Variants in CDC14B observed in about 807,000 individuals in gnomAD.
The protein encoded by CDC14B is dual specificity protein phosphatase CDC14B.
In CDC14B, 22 loss-of-function variants were observed where a neutral mutation model predicts 64.2. The observed-to-expected ratio is 0.34, with a 90% CI of 0.24 to 0.49. The LOEUF (loss-of-function observed/expected upper bound fraction) is 0.49. Among genes scored for constraint, CDC14B ranks in the 20% least tolerant of loss-of-function variants. The pLI is 0.99. For synonymous variants in CDC14B, 191 were observed against 215.8 expected (o/e 0.89, Z 1.01); for missense variants, 498 against 629.9 (o/e 0.79, Z 2.24).
intron 1 of CDC14B, among the ~76,000 whole-genome samples, chr9:96,578,391 T>C (rs1197614350): frequency 3.9e-5 from 6 of 152,090 alleles, no homozygotes; most frequent in Non-Finnish European, 8.8e-5. Flanking sequence ...AAGAATACAG[T>C]GTGGAAAGGG....
chr9:96,518,463 C>T (rs978014253), intron 12 of CDC14B, among the ~76,000 whole-genome samples: 1 of 151,920 alleles, frequency 6.6e-6, no homozygotes, highest in African/African-American at 2.4e-5. Flanking sequence ...TGCAGTGAGC[C>T]AAGATTACGC....
chr9:96,566,082 C>T (rs188643212), intron 1 of CDC14B, among the ~76,000 whole-genome samples: 86 of 152,046 alleles, frequency 5.7e-4, no homozygotes, highest in Non-Finnish European at 9.1e-4. Flanking sequence ...GAGGTTTCTG[C>T]ATGATGGGTC....
At position 96,523,714 on chromosome 9, in the gene CDC14B, G is replaced by A. The variant is rs749838823; in HGVS notation, c.958C>T (p.Arg320Cys). 2 of 1,612,244 alleles carry A rather than the reference G, an allele frequency of 1.2e-6. No individual in the cohort carries two copies. Among genetic ancestry groups the A allele is most frequent in the Non-Finnish European group, 8.5e-7 (1 of 1,178,514 alleles). ...IAVHCKAGLG[R>C]TGTLIACYIM... ...TAGCAGGCTATCAGAGTGCCCGTGC[G>A]ACCAAGGCCAGCTAGGAAAATAAAG... is the stretch of plus-strand genomic sequence containing the variant. The change falls in exon 10 of 14, where the codon CGC becomes TGC. Residue 320 changes from arginine (R) to cysteine (C), a missense_variant. Coordinates refer to ENST00000375241, the MANE Select transcript of CDC14B (RefSeq NM_033331.4).
intron 5 of CDC14B, among the ~76,000 whole-genome samples, chr9:96,550,906 T>C (rs1278316461): frequency 6.6e-6 from 1 of 152,160 alleles, no homozygotes; most frequent in African/African-American, 2.4e-5. Flanking sequence ...CTGGTTTTTC[T>C]GGAAGTGGTA....
chr9:96,602,643 C>T (rs1256214017), intron 1 of CDC14B, among the ~76,000 whole-genome samples: 3 of 152,068 alleles, frequency 2.0e-5, no homozygotes, highest in Non-Finnish European at 4.4e-5. Context: ...AAGACCTGCC[C>T]CCATGATTCA....
At chr9:96,552,761 C>A (rs1372459120) in intron 4 of CDC14B, among the ~76,000 whole-genome samples, 1 of 152,098 alleles carries the variant, frequency 6.6e-6, no homozygotes. Flanking sequence ...GACTTCAGAA[C>A]CTTCCTGCAG....
chr9:96,498,193 C>A (rs1833331497), downstream of CDC14B, among the ~76,000 whole-genome samples: 1 of 152,176 alleles, frequency 6.6e-6, no homozygotes, highest in Admixed American at 6.5e-5. Context: ...CATAGCTGCA[C>A]TTAGACACAC....
At chr9:96,563,577 G>T (rs998096314) in intron 3 of CDC14B, among the ~76,000 whole-genome samples, 9 of 151,664 alleles carry the variant, frequency 5.9e-5, no homozygotes, top group African/African-American at 2.2e-4. Flanking sequence ...TTGAACCAGG[G>T]GGGTGGAGGT....
chr9:96,589,885 C>T (rs552423448), intron 1 of CDC14B, among the ~76,000 whole-genome samples: 9 of 151,222 alleles, frequency 6.0e-5, no homozygotes, highest in African/African-American at 2.2e-4. Context: ...GGCGTGAACC[C>T]GGGAGGCAGA....
intron 11 of CDC14B, among the ~76,000 whole-genome samples, chr9:96,522,924 G>A (rs1238941399): frequency 1.3e-5 from 2 of 152,146 alleles, no homozygotes; most frequent in Non-Finnish European, 2.9e-5. Flanking sequence ...CTAAGCCTTT[G>A]ATTTGTTAAA....
chr9:96,600,632 A>C (rs1488293715), intron 1 of CDC14B, among the ~76,000 whole-genome samples: 2 of 151,952 alleles, frequency 1.3e-5, no homozygotes, highest in South Asian at 2.1e-4. Flanking sequence ...CCTCCTGAGC[A>C]GCTGGGATAA....
At chr9:96,538,930 G>T in intron 7 of CDC14B, 148 bp downstream of exon 7, 1 of 615,060 alleles carries the variant, frequency 1.6e-6, no homozygotes, top group East Asian at 2.9e-5. Context: ...TAATTAGCTT[G>T]ATTAGGTAAT....
At chr9:96,590,597 A>G (rs1215592247) in intron 1 of CDC14B, among the ~76,000 whole-genome samples, 7 of 151,978 alleles carry the variant, frequency 4.6e-5, no homozygotes, top group Non-Finnish European at 1.0e-4. Flanking sequence ...ATTCCCACCA[A>G]AAGTGTACAA....
At position 96,523,574 on chromosome 9, in the gene CDC14B, G is replaced by C; in HGVS notation, c.1085+13C>G. 6.2e-7 allele frequency: 1 copy of C among 1,614,110 alleles called. No individual in the cohort carries two copies. The highest frequency in any genetic ancestry group is 8.5e-7 in the Non-Finnish European group (1 of 1,180,000). Reference sequence around the variant, plus strand: ...ATGTTCCCTGGGAACTACAGACGTAGGCTACTACTTACATCACCAAAAACT... The same window carrying C: ...ATGTTCCCTGGGAACTACAGACGTACGCTACTACTTACATCACCAAAAACT... On this transcript the variant is annotated intron_variant, in intron 10 of 13. Coordinates refer to ENST00000375241, the MANE Select transcript of CDC14B (RefSeq NM_033331.4).
At chr9:96,601,306 G>A (rs1181439971) in intron 1 of CDC14B, among the ~76,000 whole-genome samples, 5 of 152,056 alleles carry the variant, frequency 3.3e-5, no homozygotes, top group Non-Finnish European at 7.4e-5. Flanking sequence ...AGACCATCCT[G>A]GCCAACATGG....
Position 96,515,504 on chromosome 9 carries a change from T to A in CDC14B, c.1344-5715A>T. 1 of 734,744 alleles carries A rather than the reference T, an allele frequency of 1.4e-6. No individual in the cohort carries two copies. Among genetic ancestry groups the A allele is most frequent in the Non-Finnish European group, 2.1e-6 (1 of 477,666 alleles). The allele number at this position is 734,744 out of a possible 1,614,324, so 45.5% of individuals were successfully genotyped here. On this transcript the variant is annotated intron_variant, in intron 12 of 13. Coordinates refer to ENST00000375241, the MANE Select transcript of CDC14B (RefSeq NM_033331.4). This position sits in a 1 kb window ranked among gnomAD's most constrained non-coding sequence, Gnocchi z 4.3. ...ACCTTCCCTCCCCACCACCATCCCA[T>A]TAATTGAAAAGATTCAGAAAAAGAA... is the stretch of plus-strand genomic sequence containing the variant.
chr9:96,601,325 C>T (rs1009124358), intron 1 of CDC14B, among the ~76,000 whole-genome samples: 1 of 151,986 alleles, frequency 6.6e-6, no homozygotes, highest in South Asian at 2.1e-4. Flanking sequence ...GGTGAAACTC[C>T]GTCTCTACTA....
intron 1 of CDC14B, chr9:96,618,452 A>G (rs1439556172): frequency 1.9e-6 from 1 of 532,236 alleles, no homozygotes. Flanking sequence ...AGAACAGTCG[A>G]ATCAGCACTA....
At chr9:96,562,539 C>T (rs968597901) in intron 4 of CDC14B, 154 bp downstream of exon 4, 2 of 629,704 alleles carry the variant, frequency 3.2e-6, no homozygotes, top group South Asian at 1.9e-5. Flanking sequence ...CACATAAGCA[C>T]AGCTTCCTTG....
Sources: gnomAD v4.1 joint callset for allele counts (sites outside exome capture counted in the v4.1 genomes callset) on GRCh38, gnomAD v4.1.1 for gene constraint, Gnocchi (gnomAD v3.1) non-coding constraint, MANE v1.5 for transcripts, NCBI Gene and HGNC (gene_info 2026-07-23, HGNC 2026-07-21) for gene names.